Variants in CNGB3 observed in about 807,000 individuals in gnomAD.
The protein encoded by CNGB3 is cyclic nucleotide gated channel subunit beta 3.
Under a neutral mutation model 92.8 loss-of-function variants are expected in CNGB3, and 86 were observed. The ratio of observed to expected loss-of-function variants is 0.93; its 90% CI spans 0.78 to 1.11. CNGB3 has a LOEUF of 1.11. CNGB3 is among the 50% of genes least tolerant of loss of function. The pLI is 0.00. For synonymous variants in CNGB3, 333 were observed against 332.7 expected, an observed-to-expected ratio of 1.00 and a Z score of -0.01; for missense variants, 1,026 against 956.8, an observed-to-expected ratio of 1.07 and a Z score of -0.95.
chr8:86,590,196 ATCT>A (rs1378836314), intron 15 of CNGB3, among the ~76,000 whole-genome samples: 1 of 151,712 alleles, frequency 6.6e-6, no homozygotes, highest in East Asian at 1.9e-4. Flanking sequence ...TGCTTGGTAG[ATCT>A]TCCTCCATCC....
rs537483857 is a variant in CNGB3 at position 86,583,209 on chromosome 8, G to A, written c.1782-3957C>T. 5.9e-5 allele frequency among the ~76,000 whole-genome samples: 9 copies of A among 152,034 alleles called. No homozygotes were observed. In the South Asian group the frequency reaches 1.0e-3, roughly 18 times the overall value. ...AGCCACCATGCTCGACAATTTTTTC[G>A]CATTCTTAATTGTTATAAAAGACAA... On this transcript the variant is annotated intron_variant, in intron 15 of 17. Coordinates refer to ENST00000320005, the MANE Select transcript of CNGB3 (RefSeq NM_019098.5).
intron 3 of CNGB3, among the ~76,000 whole-genome samples, chr8:86,696,033 C>CT (rs1824444091): frequency 6.6e-6 from 1 of 152,106 alleles, no homozygotes. Context: ...ATTCCAGCAC[C>CT]TGCTCTGGTG....
intron 2 of CNGB3, among the ~76,000 whole-genome samples, chr8:86,739,026 G>A (rs1825293746): frequency 6.6e-6 from 1 of 152,188 alleles, no homozygotes; most frequent in Non-Finnish European, 1.5e-5. Flanking sequence ...ATTTGTAGGA[G>A]AGGATAAGGA....
intron 3 of CNGB3, among the ~76,000 whole-genome samples, chr8:86,679,001 G>A (rs1824029325): frequency 6.6e-6 from 1 of 152,092 alleles, no homozygotes; most frequent in Non-Finnish European, 1.5e-5. Flanking sequence ...AAATTAACAA[G>A]TAGGGTGACC....
At chr8:86,693,308 T>G (rs188048780) in intron 3 of CNGB3, among the ~76,000 whole-genome samples, 1 of 152,128 alleles carries the variant, frequency 6.6e-6, no homozygotes, top group Admixed American at 6.5e-5. Context: ...CCTTGATTAG[T>G]CCCTCATATA....
At position 86,625,975 on chromosome 8, in the gene CNGB3, GC is replaced by G. The variant is rs775151136; in HGVS notation, c.1578+7del. The G allele has an allele frequency of 6.2e-7, 1 of 1,606,122 alleles. No homozygotes were observed. Among genetic ancestry groups the G allele is most frequent in the East Asian group, 2.2e-5 (1 of 44,768 alleles). ...GATACAGAGTCTATTAATTGTAAAA[GC>G]ACTTGCCTTGAACAAGTCGACTTTG... On this transcript the variant is annotated splice_region_variant and intron_variant, in intron 13 of 17. Transcript: ENST00000320005.
intron 3 of CNGB3, among the ~76,000 whole-genome samples, chr8:86,684,472 G>A (rs960413812): frequency 6.6e-6 from 1 of 152,018 alleles, no homozygotes; most frequent in Admixed American, 6.6e-5. Context: ...ATTATCATAT[G>A]ACCCCTATAA....
intron 3 of CNGB3, among the ~76,000 whole-genome samples, chr8:86,699,926 T>G (rs1824520683): frequency 6.6e-6 from 1 of 152,106 alleles, no homozygotes; most frequent in Admixed American, 6.5e-5. Flanking sequence ...CTCCCTTCCT[T>G]TCCTCCCTCT....
intron 15 of CNGB3, among the ~76,000 whole-genome samples, chr8:86,597,591 C>T (rs1822200695): frequency 6.6e-6 from 1 of 152,026 alleles, no homozygotes; most frequent in African/African-American, 2.4e-5. Context: ...GGGAAAGCAT[C>T]CAGGCGGAGG....
At chr8:86,670,507 A>C (rs932387414) in intron 4 of CNGB3, among the ~76,000 whole-genome samples, 1 of 152,134 alleles carries the variant, frequency 6.6e-6, no homozygotes, top group Non-Finnish European at 1.5e-5. Flanking sequence ...GTAATTTTCA[A>C]GTATGAGCCA....
At chr8:86,723,669 C>T (rs1825011804) in intron 3 of CNGB3, among the ~76,000 whole-genome samples, 1 of 152,126 alleles carries the variant, frequency 6.6e-6, no homozygotes, top group Non-Finnish European at 1.5e-5. Context: ...GATACTGGAG[C>T]TTCTAATGCC....
chr8:86,739,878 C>A (rs1586046115), intron 1 of CNGB3, 142 bp from the exon 2 acceptor site: 3 of 1,040,218 alleles, frequency 2.9e-6, no homozygotes, highest in Non-Finnish European at 1.4e-6. Flanking sequence ...ATGATTCTTG[C>A]ATTTAAAATG....
Position 86,574,627 on chromosome 8 carries a change from C to G in CNGB3, c.*1177G>C, listed in dbSNP as rs1233465320. The G allele has an allele frequency of 6.6e-6, 1 of 152,114 alleles. No homozygotes were observed. Among genetic ancestry groups the G allele is most frequent in the African/African-American group, 2.4e-5 (1 of 41,422 alleles). The allele number at this position is 152,114 out of a possible 1,614,324, so 9.4% of individuals were successfully genotyped here. A position where few individuals can be genotyped will look rare whatever the true frequency, so the allele number is the denominator to read the frequency against. The stretch of plus-strand genomic sequence containing the variant: ...CTCAGCAAAGTGCTGTTACAGTGAC[C>G]ATCTTTGGAGACTTGGAAATAGCCT... On this transcript the variant is annotated 3_prime_UTR_variant, in exon 18 of 18. Coordinates refer to ENST00000320005, the MANE Select transcript of CNGB3 (RefSeq NM_019098.5).
Position 86,739,543 on chromosome 8 carries a change from C to G in CNGB3, c.211+112G>C, listed in dbSNP as rs149959689. On this transcript the variant is annotated intron_variant, in intron 2 of 17. Coordinates refer to ENST00000320005, the MANE Select transcript of CNGB3 (RefSeq NM_019098.5). Reference sequence around the variant, plus strand: ...GATCTTCAAATAACCTCAGTATGACCCTAGATAATTCACCTAGTCAAGGAC... The same window carrying G: ...GATCTTCAAATAACCTCAGTATGACGCTAGATAATTCACCTAGTCAAGGAC... 2.9e-4 allele frequency: 430 copies of G among 1,500,926 alleles called. 1 individual carries two copies. The East Asian group carries it at 9.3e-3, about 32-fold the overall frequency. 93.0% of individuals were successfully genotyped at this position (1,500,926 alleles called of 1,614,324 possible).
chr8:86,731,180 C>T (rs941270835), intron 2 of CNGB3, among the ~76,000 whole-genome samples: 1 of 152,150 alleles, frequency 6.6e-6, no homozygotes, highest in Non-Finnish European at 1.5e-5. Context: ...ACACGCAAAA[C>T]CCTCAAACAT....
chr8:86,694,623 G>T (rs1329303308), intron 3 of CNGB3, among the ~76,000 whole-genome samples: 1 of 151,134 alleles, frequency 6.6e-6, no homozygotes, highest in Admixed American at 6.6e-5. Context: ...TCCCAGACAG[G>T]GTCGCGGCCG....
At position 86,671,041 on chromosome 8, in the gene CNGB3, T is replaced by C; in HGVS notation, c.396A>G (p.Leu132=). ...PVINEYADAQ[L]HNLVKRMRQR... ...GACGCATTCTTTTCACCAGGTTGTG[T>C]AGCTGGGCATCGGCATACTCATTTA... The change falls in exon 4 of 18, where the codon CTA becomes CTG. Residue 132 remains leucine (L), a synonymous_variant. Transcript: ENST00000320005. The C allele has an allele frequency of 6.2e-7, 1 of 1,613,946 alleles. No homozygotes were observed. Among genetic ancestry groups the C allele is most frequent in the South Asian group, 1.1e-5 (1 of 91,072 alleles).
At chr8:86,649,857 C>A (rs1049004639) in intron 7 of CNGB3, among the ~76,000 whole-genome samples, 4 of 151,674 alleles carry the variant, frequency 2.6e-5, no homozygotes, top group African/African-American at 9.7e-5. Context: ...AATAAACAGA[C>A]AACTCACAGA....
chr8:86,653,788 C>G (rs1041364241), intron 7 of CNGB3, among the ~76,000 whole-genome samples: 1 of 152,042 alleles, frequency 6.6e-6, no homozygotes, highest in Admixed American at 6.6e-5. Context: ...AATCTGGGCA[C>G]TAACTTATTT....
Sources: allele counts gnomAD v4.1 joint callset (sites outside exome capture counted in the v4.1 genomes callset), GRCh38; gene constraint gnomAD v4.1.1; transcripts MANE v1.5; gene names NCBI Gene and HGNC (gene_info 2026-07-23, HGNC 2026-07-21).